PTPN3: variants seen among roughly 807,000 people sequenced by gnomAD.
PTPN3 encodes protein tyrosine phosphatase non-receptor type 3.
Under a neutral mutation model 132.7 loss-of-function variants are expected in PTPN3, and 96 were observed. The observed-to-expected ratio is 0.72, with a 90% confidence interval of 0.61 to 0.86. PTPN3 has a LOEUF of 0.86. Among genes scored for constraint, PTPN3 ranks in the 40% least tolerant of loss-of-function variants. The pLI, the probability that PTPN3 is intolerant of heterozygous loss-of-function variation, is 0.00. For synonymous variants in PTPN3, 398 were observed against 429.0 expected, an observed-to-expected ratio of 0.93 and a Z score of 0.89; for missense variants, 1,125 against 1,159.6, an observed-to-expected ratio of 0.97 and a Z score of 0.43.
upstream of PTPN3, among the ~76,000 whole-genome samples, chr9:109,500,881 G>A (rs1366007009): frequency 6.6e-6 from 1 of 150,696 alleles, no homozygotes; most frequent in Non-Finnish European, 1.5e-5. Flanking sequence ...GAGTTGTGAT[G>A]GCACCATTTG....
At chr9:109,480,701 T>G (rs1388510893) in intron 1 of PTPN3, among the ~76,000 whole-genome samples, 1 of 152,168 alleles carries the variant, frequency 6.6e-6, no homozygotes, top group East Asian at 1.9e-4. Flanking sequence ...TTGAGTGAAT[T>G]TTTGTATATG....
At chr9:109,432,887 T>C (rs1010576620) in intron 10 of PTPN3, among the ~76,000 whole-genome samples, 186 bp downstream of exon 10, 1 of 152,194 alleles carries the variant, frequency 6.6e-6, no homozygotes, top group Non-Finnish European at 1.5e-5. Flanking sequence ...GGAATGCTAA[T>C]GAAAACTAAA....
intron 1 of PTPN3, among the ~76,000 whole-genome samples, chr9:109,466,378 C>T (rs933361554): frequency 6.6e-6 from 1 of 152,212 alleles, no homozygotes; most frequent in African/African-American, 2.4e-5. Flanking sequence ...TAGTGTGCAC[C>T]TGTAGTCCCA....
chr9:109,462,292 T>C (rs1845882252), intron 2 of PTPN3, among the ~76,000 whole-genome samples: 1 of 152,228 alleles, frequency 6.6e-6, no homozygotes, highest in Admixed American at 6.5e-5. Flanking sequence ...CCCACCGTGC[T>C]AAAACTCCAC....
chr9:109,492,489 G>A (rs914599836), intron 1 of PTPN3, among the ~76,000 whole-genome samples: 1 of 152,164 alleles, frequency 6.6e-6, no homozygotes, highest in African/African-American at 2.4e-5. Context: ...TTGTCTGGAG[G>A]GTCAGGGGTC....
chr9:109,386,692 G>T (rs373091816), intron 22 of PTPN3, among the ~76,000 whole-genome samples: 104 of 152,162 alleles, frequency 6.8e-4, no homozygotes, highest in Admixed American at 6.8e-3. Context: ...GATGTACCCA[G>T]GGAACGACAG....
intron 22 of PTPN3, among the ~76,000 whole-genome samples, chr9:109,385,214 T>C (rs1212432744): frequency 6.6e-6 from 1 of 152,200 alleles, no homozygotes; most frequent in African/African-American, 2.4e-5. Context: ...TCAATTTGGA[T>C]CTGGAAAAAC....
chr9:109,488,307 C>T (rs1847307049), intron 1 of PTPN3, among the ~76,000 whole-genome samples: 1 of 151,818 alleles, frequency 6.6e-6, no homozygotes, highest in South Asian at 2.1e-4. Context: ...GCCACGTTGG[C>T]CAGTCTGGTC....
In PTPN3 at chr9:109,438,103, G is replaced by C; in HGVS notation, c.587+11C>G. The C allele has an allele frequency of 6.2e-7, 1 of 1,609,568 alleles. No homozygotes were observed. The highest frequency in any genetic ancestry group is 8.5e-7 in the Non-Finnish European group (1 of 1,178,210). On this transcript the variant is annotated intron_variant, in intron 8 of 25. Transcript: ENST00000374541. ...CAAGTCCCCAAAGTAGGCCACCCCA[G>C]CCCCCCTCACCTGTGCTGCTCATGC... is the stretch of plus-strand genomic sequence containing the variant.
At chr9:109,397,032 G>T (rs1183661097) in intron 19 of PTPN3, among the ~76,000 whole-genome samples, 1 of 152,044 alleles carries the variant, frequency 6.6e-6, no homozygotes, top group African/African-American at 2.4e-5. Flanking sequence ...ATTCCTGAAG[G>T]CTGAGAACCC....
intron 14 of PTPN3, among the ~76,000 whole-genome samples, chr9:109,412,560 A>G (rs957658978): frequency 2.6e-5 from 4 of 152,132 alleles, no homozygotes; most frequent in African/African-American, 9.7e-5. Flanking sequence ...TTTTTAGTAG[A>G]GACAGGGTTT....
intron 17 of PTPN3, 117 bp downstream of exon 17, chr9:109,408,204 T>C (rs1021952892): frequency 3.1e-5 from 23 of 748,466 alleles, no homozygotes; most frequent in Non-Finnish European, 4.7e-5. Flanking sequence ...TGGTGATGTA[T>C]ATCTAAGCAC....
intron 1 of PTPN3, among the ~76,000 whole-genome samples, chr9:109,473,031 T>G (rs548145485): frequency 6.6e-6 from 1 of 152,348 alleles, no homozygotes; most frequent in East Asian, 1.9e-4. Flanking sequence ...TTTTAAAAAT[T>G]TGGGTATTTA....
At chr9:109,467,438 G>A (rs143512947) in intron 1 of PTPN3, among the ~76,000 whole-genome samples, 5 of 152,146 alleles carry the variant, frequency 3.3e-5, no homozygotes. Flanking sequence ...AGCCCTCAAA[G>A]TAACAGCCAG....
At chr9:109,445,211 A>G in intron 7 of PTPN3, 29 bp downstream of exon 7, 2 of 1,602,416 alleles carry the variant, frequency 1.2e-6, no homozygotes, top group Non-Finnish European at 1.7e-6. Flanking sequence ...CAACCTGTCC[A>G]TCCGTGAAAT....
At chr9:109,533,300 G>A in the PTPN3 span, 9 of 400,826 alleles carry the variant, frequency 2.2e-5, no homozygotes, top group South Asian at 1.2e-4. Context: ...GCCCGCCACC[G>A]CGCCCGGCTA....
intron 7 of PTPN3, 52 bp from the exon 8 acceptor site, chr9:109,438,286 T>C (rs1238855495): frequency 6.4e-7 from 1 of 1,560,798 alleles, no homozygotes; most frequent in Admixed American, 1.8e-5. Flanking sequence ...CTTTTTAATA[T>C]GGTTTGCATT....
chr9:109,494,546 T>A (rs1847599161), intron 1 of PTPN3, among the ~76,000 whole-genome samples: 1 of 152,208 alleles, frequency 6.6e-6, no homozygotes. Flanking sequence ...AAATGCCATC[T>A]TGTTCCTAAG....
chr9:109,503,809 G>A, the PTPN3 span, among the ~76,000 whole-genome samples: 1 of 152,142 alleles, frequency 6.6e-6, no homozygotes, highest in Non-Finnish European at 1.5e-5. Context: ...CAGTGATGAA[G>A]GGATTGTTGT....
Sources: gnomAD v4.1 joint callset for allele counts (sites outside exome capture counted in the v4.1 genomes callset) on GRCh38, gnomAD v4.1.1 for gene constraint, MANE v1.5 for transcripts, NCBI Gene and HGNC (gene_info 2026-07-23, HGNC 2026-07-21) for gene names.